The following AR variants were observed in gnomAD, a reference collection of about 807,000 sequenced individuals.
AR encodes dihydrotestosterone receptor.
A neutral mutation model predicts 53.9 loss-of-function variants in AR; 8 were observed. That is an observed-to-expected ratio of 0.15 (90% CI 0.09 to 0.27). The LOEUF is 0.27. AR is among the 10% of genes least tolerant of loss of function. The pLI is 1.00. For synonymous variants in AR, 359 were observed against 316.4 expected, an observed-to-expected ratio of 1.13 and a Z score of -1.43; for missense variants, 639 against 742.5, an observed-to-expected ratio of 0.86 and a Z score of 1.62.
At chrX:67,651,269 G>A (rs1439286180) in intron 2 of AR, among the ~76,000 whole-genome samples, 3 of 105,591 alleles carry the variant, frequency 2.8e-5, no homozygotes, top group Non-Finnish European at 3.9e-5. Context: ...GGCTGGTCTC[G>A]AACTCCTGAC....
chrX:67,569,260 A>G (rs1921706548), intron 1 of AR, among the ~76,000 whole-genome samples: 2 of 110,235 alleles, frequency 1.8e-5, no homozygotes, highest in Admixed American at 1.9e-4. Context: ...AAATGCAAAA[A>G]GCACTTAATT....
At chrX:67,566,336 T>C (rs1426305449) in intron 1 of AR, among the ~76,000 whole-genome samples, 1 of 111,955 alleles carries the variant, frequency 8.9e-6, no homozygotes, top group East Asian at 2.8e-4. Flanking sequence ...GACATCTCAG[T>C]AGTAAACATA....
chrX:67,633,654 G>A (rs908818146), intron 1 of AR, among the ~76,000 whole-genome samples: 1 of 111,758 alleles, frequency 8.9e-6, no homozygotes. Flanking sequence ...TCTTCCAAAT[G>A]TGGGCTCCAA....
chrX:67,723,527 A>ACACACACG (rs1367414937), intron 7 of AR, among the ~76,000 whole-genome samples, 159 bp from the exon 8 acceptor site: 1 of 105,226 alleles, frequency 9.5e-6, no homozygotes. Flanking sequence ...TCTAACACAC[A>ACACACACG]CACACACACA....
chrX:67,629,284 G>C (rs1476283740), intron 1 of AR, among the ~76,000 whole-genome samples: 3 of 108,128 alleles, frequency 2.8e-5, no homozygotes, highest in Admixed American at 9.9e-5. Flanking sequence ...TTTTTGGTTG[G>C]TAAGCTATTG....
intron 2 of AR, among the ~76,000 whole-genome samples, chrX:67,649,407 G>A (rs1341847786): frequency 8.9e-6 from 1 of 112,022 alleles, no homozygotes; most frequent in Non-Finnish European, 1.9e-5. Context: ...GGATGGCTGG[G>A]TCAAATGGCA....
chrX:67,597,505 G>T (rs764381374), intron 1 of AR, among the ~76,000 whole-genome samples: 1 of 111,862 alleles, frequency 8.9e-6, no homozygotes, highest in African/African-American at 3.3e-5. Flanking sequence ...TCTTCATGTT[G>T]CCAGATATTA....
Position 67,545,954 on chromosome X carries a change from G to C in AR, c.808G>C (p.Ala270Pro), listed in dbSNP as rs773305418. The change falls in exon 1 of 8, where the codon GCC (alanine) becomes CCC (proline). Residue 270 changes from alanine (A) to proline (P), a missense_variant. Around this residue, in one of 5 missense-constraint regions of AR, gnomAD observed 423 missense variants for 377.0 expected, o/e 1.12. Coordinates refer to ENST00000374690, the MANE Select transcript of AR (RefSeq NM_000044.6). Reference protein sequence around the residue: ...GEQLRGDCMYAPLLGVPPAVR... With the variant: ...GEQLRGDCMYPPLLGVPPAVR... ...ACAGCTTCGGGGGGATTGCATGTAC[G>C]CCCCACTTTTGGGAGTTCCACCCGC... 7.4e-6 allele frequency: 9 copies of C among 1,210,879 alleles called. No individual in the cohort carries two copies. The Admixed American group carries it at 1.7e-4, about 23-fold the overall frequency.
chrX:67,551,229 A>T (rs1292915762), intron 1 of AR, among the ~76,000 whole-genome samples: 1 of 110,109 alleles, frequency 9.1e-6, no homozygotes, highest in Non-Finnish European at 1.9e-5. Flanking sequence ...TGTTCGGTTC[A>T]GACCTCAGTA....
chrX:67,607,279 C>T (rs1014848842), intron 1 of AR, among the ~76,000 whole-genome samples: 2 of 111,362 alleles, frequency 1.8e-5, no homozygotes, highest in East Asian at 2.8e-4. Context: ...CCTCCCACCT[C>T]GGCCTCCCAA....
intron 3 of AR, 95 bp downstream of exon 3, chrX:67,686,221 C>T: frequency 5.3e-6 from 5 of 944,193 alleles, no homozygotes; most frequent in Middle Eastern, 2.7e-4. Flanking sequence ...TTCTTTGATG[C>T]TTCCAAGGGG....
chrX:67,634,025 G>A lies in AR; in HGVS notation c.1617-9231G>A, dbSNP rs368975984. 1.2e-4 allele frequency among the ~76,000 whole-genome samples: 13 copies of A among 111,368 alleles called. No homozygotes were observed. In the South Asian group the frequency reaches 1.9e-3, roughly 16 times the overall value. ...TATGCTAAAATGGGTGAATTTTATA[G>A]TATGTGAAATATAACTCAGTAAGCC... On this transcript the variant is annotated intron_variant, in intron 1 of 7. Coordinates refer to ENST00000374690, the MANE Select transcript of AR (RefSeq NM_000044.6).
chrX:67,677,871 T>C (rs1307597829), intron 2 of AR, among the ~76,000 whole-genome samples: 2 of 110,981 alleles, frequency 1.8e-5, no homozygotes, highest in Non-Finnish European at 3.8e-5. Context: ...AAAGGACTCC[T>C]AATTTTTCTT....
At chrX:67,590,339 A>G (rs1214141455) in intron 1 of AR, among the ~76,000 whole-genome samples, 1 of 111,532 alleles carries the variant, frequency 9.0e-6, no homozygotes, top group East Asian at 2.8e-4. Flanking sequence ...TATGATAACA[A>G]TTGTTCATCA....
chrX:67,655,734 C>T (rs1926555873), intron 2 of AR, among the ~76,000 whole-genome samples: 1 of 111,236 alleles, frequency 9.0e-6, no homozygotes, highest in African/African-American at 3.3e-5. Context: ...ATACAGATGA[C>T]CACCCCCAGA....
chrX:67,628,923 A>G (rs2147409384), intron 1 of AR, among the ~76,000 whole-genome samples: 1 of 111,391 alleles, frequency 9.0e-6, no homozygotes, highest in Non-Finnish European at 1.9e-5. Context: ...GGTTCTGTTT[A>G]TATGCTGGAT....
intron 1 of AR, among the ~76,000 whole-genome samples, chrX:67,584,128 G>C (rs1466900384): frequency 9.0e-6 from 1 of 111,687 alleles, no homozygotes; most frequent in Non-Finnish European, 1.9e-5. Flanking sequence ...ACTACTTATT[G>C]GGGATCCTGG....
chrX:67,705,775 T>C (rs1191780077), intron 3 of AR, among the ~76,000 whole-genome samples: 1 of 111,612 alleles, frequency 9.0e-6, no homozygotes, highest in Non-Finnish European at 1.9e-5. Flanking sequence ...TGATATTGGC[T>C]GTGGGTTTGT....
At chrX:67,674,501 C>A (rs1430211016) in intron 2 of AR, among the ~76,000 whole-genome samples, 1 of 111,032 alleles carries the variant, frequency 9.0e-6, no homozygotes, top group African/African-American at 3.3e-5. Context: ...AGCTGGCACC[C>A]AATCCATAAG....
Sources: gnomAD v4.1 joint callset for allele counts (sites outside exome capture counted in the v4.1 genomes callset) on GRCh38, gnomAD v4.1.1 for gene constraint, gnomAD v4.1.1 regional missense constraint, MANE v1.5 for transcripts, NCBI Gene and HGNC (gene_info 2026-07-23, HGNC 2026-07-21) for gene names.